LRRC4C: variants seen among roughly 807,000 people sequenced by gnomAD.
LRRC4C encodes the protein leucine rich repeat containing 4C.
LRRC4C carries 5 observed loss-of-function variants against 33.6 expected under a neutral mutation model. That is an observed-to-expected ratio of 0.15 (90% confidence interval 0.08 to 0.31). The LOEUF is 0.31. LRRC4C is among the 10% of genes least tolerant of loss of function. The pLI is 1.00. For synonymous variants in LRRC4C, 329 were observed against 302.0 expected, an observed-to-expected ratio of 1.09 and a Z score of -0.93; for missense variants, 560 against 796.7, an observed-to-expected ratio of 0.70 and a Z score of 3.58.
At chr11:40,127,751 C>A (rs1256633239) in intron 6 of LRRC4C, among the ~76,000 whole-genome samples, 1 of 152,128 alleles carries the variant, frequency 6.6e-6, no homozygotes, top group African/African-American at 2.4e-5. Flanking sequence ...AATTAATACG[C>A]CCCAGTTAAA....
intron 3 of LRRC4C, among the ~76,000 whole-genome samples, chr11:40,477,327 C>A (rs1184180693): frequency 1.3e-5 from 2 of 152,062 alleles, no homozygotes; most frequent in East Asian, 3.9e-4. Context: ...AATCAGACTC[C>A]TTAATTCAGA....
At chr11:40,294,632 A>G (rs1421157532) in intron 4 of LRRC4C, among the ~76,000 whole-genome samples, 1 of 151,834 alleles carries the variant, frequency 6.6e-6, no homozygotes, top group African/African-American at 2.4e-5. Context: ...ATCGAGACCA[A>G]CCTGCCCAAC....
intron 2 of LRRC4C, among the ~76,000 whole-genome samples, chr11:40,918,021 T>A (rs1413059632): frequency 6.6e-6 from 1 of 152,112 alleles, no homozygotes; most frequent in Non-Finnish European, 1.5e-5. Context: ...CCTAGAACAA[T>A]GCCATGATCA....
intron 3 of LRRC4C, among the ~76,000 whole-genome samples, chr11:40,465,375 A>G (rs1053755576): frequency 6.6e-6 from 1 of 152,046 alleles, no homozygotes; most frequent in African/African-American, 2.4e-5. Context: ...AAATCTAGAG[A>G]AAATTCTTCT....
intron 2 of LRRC4C, among the ~76,000 whole-genome samples, chr11:40,877,230 G>A (rs150979619): frequency 1.2e-4 from 18 of 152,124 alleles, no homozygotes; most frequent in South Asian, 1.0e-3. Context: ...CCAGAAAGGC[G>A]TCCAGCTAGG....
chr11:40,541,515 A>G (rs958466260), intron 3 of LRRC4C, among the ~76,000 whole-genome samples: 1 of 152,154 alleles, frequency 6.6e-6, no homozygotes, highest in African/African-American at 2.4e-5. Context: ...GATTTCATGT[A>G]TCATCCTGAA....
At chr11:40,616,565 G>T (rs1961854108) in intron 3 of LRRC4C, among the ~76,000 whole-genome samples, 1 of 151,750 alleles carries the variant, frequency 6.6e-6, no homozygotes, top group South Asian at 2.1e-4. Flanking sequence ...ATACACCATG[G>T]AATACTATGC....
chr11:40,928,832 T>C (rs1288676534), intron 2 of LRRC4C, among the ~76,000 whole-genome samples: 1 of 152,206 alleles, frequency 6.6e-6, no homozygotes, highest in African/African-American at 2.4e-5. Context: ...AATTGTTCTA[T>C]GCTAGGCTTA....
intron 2 of LRRC4C, among the ~76,000 whole-genome samples, chr11:40,803,879 T>A (rs1185995427): frequency 6.6e-6 from 1 of 152,236 alleles, no homozygotes; most frequent in Non-Finnish European, 1.5e-5. Flanking sequence ...GAGAATGGAC[T>A]ATCTATCCAC....
chr11:41,417,694 C>A (rs533261226), intron 1 of LRRC4C, among the ~76,000 whole-genome samples: 1 of 151,826 alleles, frequency 6.6e-6, no homozygotes, highest in African/African-American at 2.4e-5. Context: ...TACCAACATC[C>A]AGCTCCCTTA....
chr11:41,094,016 G>A (rs1301088417), intron 1 of LRRC4C, among the ~76,000 whole-genome samples: 1 of 151,362 alleles, frequency 6.6e-6, no homozygotes, highest in Non-Finnish European at 1.5e-5. Flanking sequence ...GGCTGAGGCA[G>A]GAGAATTGCT....
At chr11:40,464,982 A>C (rs1473126474) in intron 3 of LRRC4C, among the ~76,000 whole-genome samples, 1 of 152,014 alleles carries the variant, frequency 6.6e-6, no homozygotes, top group African/African-American at 2.4e-5. Context: ...TTAATATGGA[A>C]CCAAAAAAGC....
rs369877294 is a variant in LRRC4C at position 41,325,575 on chromosome 11, T to TGTGTG, written c.-496+133855_-496+133856insCACAC. Among the ~76,000 whole-genome samples, 162 of 117,532 alleles carry TGTGTG rather than the reference T, an allele frequency of 1.4e-3. 1 individual carries two copies. The highest frequency in any genetic ancestry group is 8.3e-3 in the Middle Eastern group (2 of 242). 77.1% of individuals were successfully genotyped at this position (117,532 alleles called of 152,430 possible). A position where few individuals can be genotyped will look rare whatever the true frequency, so the allele number is the denominator to read the frequency against. On this transcript the variant is annotated intron_variant, in intron 1 of 6. Transcript: ENST00000528697. ...AATTATTGTCCTTATAGTTTTTTTT[T>TGTGTG]TTTGTGTGTGTGTGTGTGTGTGTGT... is the stretch of plus-strand genomic sequence containing the variant.
chr11:40,766,968 C>T (rs1398026455), intron 2 of LRRC4C, among the ~76,000 whole-genome samples: 1 of 151,562 alleles, frequency 6.6e-6, no homozygotes, highest in African/African-American at 2.4e-5. Flanking sequence ...TCCTTACTTA[C>T]CAATTATAGC....
chr11:40,297,014 A>G (rs1313630245), intron 4 of LRRC4C, among the ~76,000 whole-genome samples: 1 of 152,236 alleles, frequency 6.6e-6, no homozygotes, highest in Non-Finnish European at 1.5e-5. Context: ...GATGTGAGAC[A>G]TTAAACAAAA....
chr11:40,854,578 T>G (rs185021532), intron 2 of LRRC4C, among the ~76,000 whole-genome samples: 151 of 152,230 alleles, frequency 9.9e-4, no homozygotes, highest in Middle Eastern at 3.4e-3. Flanking sequence ...AGTTGTTAGC[T>G]ATAAGTAGTT....
chr11:41,425,439 G>A (rs1306746217), intron 1 of LRRC4C, among the ~76,000 whole-genome samples: 1 of 152,022 alleles, frequency 6.6e-6, no homozygotes, highest in Non-Finnish European at 1.5e-5. Context: ...GTTTTCCAAA[G>A]GGCCTCTGGC....
intron 1 of LRRC4C, among the ~76,000 whole-genome samples, chr11:41,128,191 C>T (rs1247901203): frequency 6.6e-6 from 1 of 151,740 alleles, no homozygotes; most frequent in Non-Finnish European, 1.5e-5. Flanking sequence ...TTGAATTTCC[C>T]TGGGACATGA....
intron 4 of LRRC4C, among the ~76,000 whole-genome samples, chr11:40,298,323 T>C (rs1944611397): frequency 6.6e-6 from 1 of 151,634 alleles, no homozygotes; most frequent in South Asian, 2.1e-4. Flanking sequence ...CTCTAAAGGC[T>C]GGTCAGAAAT....
Sources: allele counts gnomAD v4.1 joint callset (sites outside exome capture counted in the v4.1 genomes callset), GRCh38; gene constraint gnomAD v4.1.1; transcripts MANE v1.5; gene names NCBI Gene and HGNC (gene_info 2026-07-23, HGNC 2026-07-21).